The following PAPPA2 variants were observed in gnomAD, a reference collection of about 807,000 sequenced individuals.
PAPPA2 encodes the protein pappalysin 2, also known as pappalysin-2.
Under a neutral mutation model 176.4 loss-of-function variants are expected in PAPPA2, and 86 were observed. The observed-to-expected ratio is 0.49, with a 90% CI of 0.41 to 0.58. The LOEUF (loss-of-function observed/expected upper bound fraction) is 0.58, where lower values mean the gene tolerates loss of function less well. Among genes scored for constraint, PAPPA2 ranks in the 20% least tolerant of loss-of-function variants. The probability of loss-of-function intolerance (pLI) is 0.00; values close to 1 mark genes in which losing one functional copy is unlikely to be tolerated. For missense variants in PAPPA2, 2,073 were observed against 2,256.9 expected, an observed-to-expected ratio of 0.92 and a Z score of 1.65; for synonymous variants, 809 against 852.2, an observed-to-expected ratio of 0.95 and a Z score of 0.88.
intron 1 of PAPPA2, among the ~76,000 whole-genome samples, chr1:176,497,281 C>T (rs778056341): frequency 1.3e-5 from 2 of 152,198 alleles, no homozygotes; most frequent in Non-Finnish European, 2.9e-5. Flanking sequence ...TCTACGACCA[C>T]CTAATGCAGA....
At chr1:176,505,733 C>CA (rs972503238) in intron 1 of PAPPA2, among the ~76,000 whole-genome samples, 3 of 151,548 alleles carry the variant, frequency 2.0e-5, no homozygotes, top group African/African-American at 4.8e-5. Flanking sequence ...CAAAAAAAAC[C>CA]AAAAAAACAA....
At chr1:176,634,865 CATAG>C (rs10556121) in intron 3 of PAPPA2, among the ~76,000 whole-genome samples, 27,564 of 147,248 alleles carry the variant, frequency 0.19, 2,817 homozygotes, top group Middle Eastern at 0.28. Context: ...TACATAGATA[CATAG>C]ATAGATACAT....
intron 14 of PAPPA2, among the ~76,000 whole-genome samples, chr1:176,759,305 A>G (rs1663582683): frequency 6.6e-6 from 1 of 152,124 alleles, no homozygotes; most frequent in Non-Finnish European, 1.5e-5. Flanking sequence ...ATATCCCATC[A>G]TTTCTTTTGG....
intron 10 of PAPPA2, among the ~76,000 whole-genome samples, chr1:176,708,700 T>C (rs917510516): frequency 6.6e-6 from 1 of 152,024 alleles, no homozygotes; most frequent in Non-Finnish European, 1.5e-5. Context: ...ATCTGGCAAG[T>C]AGAGATAGAT....
chr1:176,737,338 G>T (rs1486336241), intron 12 of PAPPA2, among the ~76,000 whole-genome samples: 1 of 152,150 alleles, frequency 6.6e-6, no homozygotes, highest in East Asian at 1.9e-4. Context: ...AATTTAGTGG[G>T]TTCCTTTTGC....
chr1:176,581,391 G>T (rs1238244839), intron 2 of PAPPA2, among the ~76,000 whole-genome samples: 1 of 152,236 alleles, frequency 6.6e-6, no homozygotes, highest in Admixed American at 6.5e-5. Context: ...AAGTCTGGTG[G>T]TGTGATGCCT....
chr1:176,710,039 A>G lies in PAPPA2; in HGVS notation c.3514A>G (p.Arg1172Gly). 1 of 1,613,322 alleles carries G rather than the reference A, an allele frequency of 6.2e-7. No homozygotes were observed. The highest frequency in any genetic ancestry group is 8.5e-7 in the Non-Finnish European group (1 of 1,179,606). Residue 1172 changes from arginine (R) to glycine (G), a missense_variant, in exon 11 of 23, where the codon AGA becomes GGA. Arg to Gly is a moderately radical substitution (Grantham distance 125, BLOSUM62 -2). Transcript: ENST00000367662. ...AGATGGCATATGTGAACCTTTTGAG[A>G]GAAAAACCAGCATTGTAGACTGTGG... is the stretch of plus-strand genomic sequence containing the variant. ...EGDGICEPFE[R>G]KTSIVDCGIY...
intron 1 of PAPPA2, among the ~76,000 whole-genome samples, chr1:176,505,432 G>A (rs1648202552): frequency 6.6e-6 from 1 of 152,012 alleles, no homozygotes; most frequent in South Asian, 2.1e-4. Flanking sequence ...TGGAAAACAG[G>A]CAGCACAGGA....
intron 17 of PAPPA2, among the ~76,000 whole-genome samples, chr1:176,778,214 C>G (rs865987015): frequency 6.6e-6 from 1 of 152,052 alleles, no homozygotes; most frequent in African/African-American, 2.4e-5. Context: ...CTATTCTCCC[C>G]CAATTAGTAC....
chr1:176,769,710 A>G lies in PAPPA2; in HGVS notation c.4427A>G (p.Asn1476Ser). 1 of 1,613,672 alleles carries G rather than the reference A, an allele frequency of 6.2e-7. No homozygotes were observed. The highest frequency in any genetic ancestry group is 8.5e-7 in the Non-Finnish European group (1 of 1,179,918). Residue 1476 changes from asparagine (N) to serine (S), a missense_variant, in exon 16 of 23, where the codon AAC becomes AGC. This residue lies in a region of PAPPA2 where 846 missense variants were observed against 857.9 expected (regional missense o/e 0.99). Coordinates refer to ENST00000367662, the MANE Select transcript of PAPPA2 (RefSeq NM_020318.3). ...GACCCGTCTTTGGTGAACTATGCAA[A>G]CTTCTCCTGCTCAGAGGGAACCAAA... The part of the protein sequence containing the change: ...VPDPSLVNYA[N>S]FSCSEGTKFL...
At chr1:176,552,308 C>G (rs1328959368) in intron 1 of PAPPA2, among the ~76,000 whole-genome samples, 1 of 150,716 alleles carries the variant, frequency 6.6e-6, no homozygotes, top group Admixed American at 6.6e-5. Context: ...TTCCATTTTA[C>G]CCTCTCCTCC....
At position 176,641,807 on chromosome 1, in the gene PAPPA2, C is replaced by G. The variant is rs141800816; in HGVS notation, c.1992-29163C>G. On this transcript the variant is annotated intron_variant, in intron 3 of 22. Transcript: ENST00000367662. ...TCATAAAACTTAATATAGTCTGAAC[C>G]AGCCTCATCATCAACTTGGTCTTAA... Among the ~76,000 whole-genome samples the G allele has an allele frequency of 1.8e-3, 270 of 152,010 alleles. 1 individual carries two copies. Among genetic ancestry groups the G allele is most frequent in the African/African-American group, 6.3e-3 (261 of 41,494 alleles).
At chr1:176,583,319 GT>G (rs1443453735) in intron 2 of PAPPA2, among the ~76,000 whole-genome samples, 1 of 151,578 alleles carries the variant, frequency 6.6e-6, no homozygotes, top group Non-Finnish European at 1.5e-5. Context: ...TTACGTTGTT[GT>G]TTTTTGAAAT....
In PAPPA2 at chr1:176,556,220, T is replaced by C; in HGVS notation, c.-103T>C. On this transcript the variant is annotated 5_prime_UTR_variant, in exon 2 of 23. Coordinates refer to ENST00000367662, the MANE Select transcript of PAPPA2 (RefSeq NM_020318.3). ...TCTGTGAACAAAACAGTTTCCCTGG[T>C]GACTGCAAATCCATTGCTAGCTGCC... The C allele has an allele frequency of 1.5e-6, 2 of 1,323,318 alleles. No individual in the cohort carries two copies. Among genetic ancestry groups the C allele is most frequent in the Non-Finnish European group, 2.1e-6 (2 of 966,426 alleles). The allele number at this position is 1,323,318 out of a possible 1,614,324, so 82.0% of individuals were successfully genotyped here.
In PAPPA2 at chr1:176,803,827, G is replaced by A. The variant is rs147663342; in HGVS notation, c.5202+3695G>A. 3.6e-3 allele frequency among the ~76,000 whole-genome samples: 546 copies of A among 152,224 alleles called. 4 individuals are homozygous for A. Among genetic ancestry groups the A allele is most frequent in the Middle Eastern group, 0.027 (8 of 294 alleles). The stretch of plus-strand genomic sequence containing the variant: ...CTTTGCAGGTAGTAAATAAGTCTTT[G>A]TCTTTCAGCCTTCTGTCTCTTCAAA... On this transcript the variant is annotated intron_variant, in intron 21 of 22. Transcript: ENST00000367662.
chr1:176,473,223 C>G (rs1167867241), intron 1 of PAPPA2, among the ~76,000 whole-genome samples: 2 of 152,164 alleles, frequency 1.3e-5, no homozygotes, highest in Non-Finnish European at 2.9e-5. Flanking sequence ...CCCTGACAAC[C>G]ACTTATCTTT....
At chr1:176,677,893 T>C (rs1659386621) in intron 4 of PAPPA2, among the ~76,000 whole-genome samples, 1 of 152,182 alleles carries the variant, frequency 6.6e-6, no homozygotes, top group African/African-American at 2.4e-5. Flanking sequence ...CCTTAAGGGG[T>C]GCACAGCATG....
chr1:176,773,999 C>G (rs1664344769), intron 17 of PAPPA2, among the ~76,000 whole-genome samples: 1 of 152,078 alleles, frequency 6.6e-6, no homozygotes, highest in African/African-American at 2.4e-5. Context: ...ATAAATAAGA[C>G]CTGGGCTGTC....
chr1:176,794,902 G>A (rs948824068), intron 20 of PAPPA2, among the ~76,000 whole-genome samples: 1 of 152,176 alleles, frequency 6.6e-6, no homozygotes, highest in African/African-American at 2.4e-5. Flanking sequence ...TTCTGGTGGG[G>A]TAAGGAGTAT....
Sources: gnomAD v4.1 joint callset for allele counts (sites outside exome capture counted in the v4.1 genomes callset) on GRCh38, gnomAD v4.1.1 for gene constraint, gnomAD v4.1.1 regional missense constraint, MANE v1.5 for transcripts, NCBI Gene and HGNC (gene_info 2026-07-23, HGNC 2026-07-21) for gene names.